The following CDH18 variants were observed in gnomAD, a reference collection of about 807,000 sequenced individuals.
CDH18 encodes cadherin-18.
Under a neutral mutation model 67.9 loss-of-function variants are expected in CDH18, and 31 were observed. That is an observed-to-expected ratio of 0.46 (90% confidence interval 0.34 to 0.62). CDH18 has a LOEUF of 0.62. CDH18 is among the 20% of genes least tolerant of loss of function. The pLI, the probability that CDH18 is intolerant of heterozygous loss-of-function variation, is 0.01. For synonymous variants in CDH18, 362 were observed against 347.2 expected, an observed-to-expected ratio of 1.04 and a Z score of -0.48; for missense variants, 890 against 975.5, an observed-to-expected ratio of 0.91 and a Z score of 1.17.
rs138872794 is a variant in CDH18, at chr5:20,239,192, T to A, written c.-518+16252A>T. On this transcript the variant is annotated intron_variant, in intron 2 of 14. Coordinates refer to the CDH18 transcript ENST00000507958. ...CCAGTAGGCCGGGTGTGGTGGCTCA[T>A]GCCTGTAATCCCAGAACTTTGGGAG... Among the ~76,000 whole-genome samples, 269 of 152,288 alleles carry A rather than the reference T, an allele frequency of 1.8e-3. 7 individuals are homozygous for A. The East Asian group carries it at 0.046, about 26-fold the overall frequency.
intron 8 of CDH18, among the ~76,000 whole-genome samples, chr5:19,569,711 A>G (rs1741040675): frequency 6.6e-6 from 1 of 152,090 alleles, no homozygotes. Flanking sequence ...TATTTCTTCC[A>G]CCTAAATGTA....
At chr5:20,274,200 A>G (rs1346162144) in intron 1 of CDH18, among the ~76,000 whole-genome samples, 1 of 152,186 alleles carries the variant, frequency 6.6e-6, no homozygotes, top group Non-Finnish European at 1.5e-5. Flanking sequence ...TTTAAATTTG[A>G]ACTTCTAGCC....
chr5:20,049,148 T>A (rs1341195189), intron 2 of CDH18, among the ~76,000 whole-genome samples: 1 of 151,606 alleles, frequency 6.6e-6, no homozygotes, highest in African/African-American at 2.4e-5. Context: ...TAATAAAATA[T>A]AAAGAAATAA....
At chr5:19,922,668 C>T (rs975139604) in intron 2 of CDH18, among the ~76,000 whole-genome samples, 5 of 152,114 alleles carry the variant, frequency 3.3e-5, no homozygotes, top group African/African-American at 1.2e-4. Context: ...TTTTTCTATA[C>T]CGGGAAATTG....
chr5:20,130,882 A>T (rs996302384), intron 2 of CDH18, among the ~76,000 whole-genome samples: 1 of 151,646 alleles, frequency 6.6e-6, no homozygotes, highest in African/African-American at 2.4e-5. Flanking sequence ...ACAATTGCAT[A>T]TTTAATTACT....
intron 1 of CDH18, among the ~76,000 whole-genome samples, chr5:20,525,366 AATCACTGTGG>A (rs1755985581): frequency 6.6e-6 from 1 of 152,072 alleles, no homozygotes; most frequent in Non-Finnish European, 1.5e-5. Context: ...CTTAGCCTAG[AATCACTGTGG>A]ATCTGTCCAC....
Position 20,315,485 on chromosome 5 carries a change from A to G in CDH18, c.-579-59980T>C, listed in dbSNP as rs181180471. 2.1e-4 allele frequency among the ~76,000 whole-genome samples: 32 copies of G among 152,212 alleles called. 1 individual carries two copies. The highest frequency in any genetic ancestry group is 6.7e-4 in the African/African-American group (28 of 41,562). On this transcript the variant is annotated intron_variant, in intron 1 of 14. Transcript: ENST00000507958. ...TGATATCATGGAGTCCTGAAACTCTATGCTAAATCCTATAGTGTAAAAGCT... is the reference window on the plus strand; with the variant it reads ...TGATATCATGGAGTCCTGAAACTCTGTGCTAAATCCTATAGTGTAAAAGCT...
At chr5:19,523,588 T>C (rs1026604808) in intron 9 of CDH18, among the ~76,000 whole-genome samples, 1 of 151,982 alleles carries the variant, frequency 6.6e-6, no homozygotes. Flanking sequence ...TCAGTCTCAT[T>C]AGTATGAAAA....
At chr5:19,972,295 A>T (rs1479650338) in intron 2 of CDH18, among the ~76,000 whole-genome samples, 1 of 152,004 alleles carries the variant, frequency 6.6e-6, no homozygotes, top group African/African-American at 2.4e-5. Flanking sequence ...ACTGCATCTT[A>T]CCATTCTACT....
At chr5:20,163,665 A>G (rs1318468120) in intron 2 of CDH18, among the ~76,000 whole-genome samples, 1 of 152,218 alleles carries the variant, frequency 6.6e-6, no homozygotes, top group South Asian at 2.1e-4. Flanking sequence ...CTGATCAGCT[A>G]TCCCCCTGGT....
chr5:19,981,388 T>C (rs1209279057), intron 1 of CDH18, among the ~76,000 whole-genome samples: 1 of 149,578 alleles, frequency 6.7e-6, no homozygotes, highest in South Asian at 2.2e-4. Context: ...TCTGCTGCTA[T>C]AACAAAACAC....
chr5:19,483,581 C>T (rs540303369), intron 11 of CDH18, 29 bp from the exon 12 acceptor site: 1 of 1,555,306 alleles, frequency 6.4e-7, no homozygotes, highest in Non-Finnish European at 8.7e-7. Context: ...AAACAAAATA[C>T]ACTTAGTCAA....
intron 2 of CDH18, among the ~76,000 whole-genome samples, chr5:19,855,350 T>C (rs1249366753): frequency 6.6e-6 from 1 of 152,130 alleles, no homozygotes; most frequent in Non-Finnish European, 1.5e-5. Flanking sequence ...AAATAGCCAT[T>C]TATATCTCCT....
At chr5:19,572,492 G>T (rs575206006) in intron 7 of CDH18, among the ~76,000 whole-genome samples, 1 of 152,196 alleles carries the variant, frequency 6.6e-6, no homozygotes, top group Admixed American at 6.5e-5. Flanking sequence ...TTACATTAAG[G>T]GTCAATATCA....
chr5:19,716,070 G>A (rs191943196), intron 5 of CDH18, among the ~76,000 whole-genome samples: 150 of 151,964 alleles, frequency 9.9e-4, no homozygotes, highest in African/African-American at 3.4e-3. Context: ...CCGTCCACCT[G>A]GGTCTCCCAA....
chr5:20,240,428 T>C (rs1056348456), intron 2 of CDH18, among the ~76,000 whole-genome samples: 24 of 152,302 alleles, frequency 1.6e-4, no homozygotes, highest in Admixed American at 1.3e-3. Flanking sequence ...TTTATAAATT[T>C]GAAGAATGCA....
intron 1 of CDH18, among the ~76,000 whole-genome samples, chr5:20,478,855 C>T (rs1330356325): frequency 1.3e-5 from 2 of 152,022 alleles, no homozygotes; most frequent in East Asian, 3.9e-4. Flanking sequence ...GTGATGATGG[C>T]CACAGAAGTG....
At chr5:19,932,301 T>C (rs1561581904) in intron 2 of CDH18, among the ~76,000 whole-genome samples, 1 of 151,800 alleles carries the variant, frequency 6.6e-6, no homozygotes, top group Admixed American at 6.6e-5. Context: ...ATGTGCAGAA[T>C]ATTTTGCAGA....
intron 1 of CDH18, among the ~76,000 whole-genome samples, chr5:20,292,084 C>T (rs769680055): frequency 6.6e-6 from 1 of 152,270 alleles, no homozygotes; most frequent in Non-Finnish European, 1.5e-5. Flanking sequence ...AGTAATGAAC[C>T]ATTTGCAAAG....
Sources: allele counts gnomAD v4.1 joint callset (sites outside exome capture counted in the v4.1 genomes callset), GRCh38; gene constraint gnomAD v4.1.1; transcripts MANE v1.5; gene names NCBI Gene and HGNC (gene_info 2026-07-23, HGNC 2026-07-21).